GDF11: variants seen among roughly 807,000 people sequenced by gnomAD.
GDF11 encodes the protein growth/differentiation factor 11.
GDF11 carries 12 observed loss-of-function variants against 34.4 expected under a neutral mutation model. That is an observed-to-expected ratio of 0.35 (90% CI 0.22 to 0.57). GDF11 has a LOEUF of 0.57. GDF11 is among the 20% of genes least tolerant of loss of function. The pLI, the probability that GDF11 is intolerant of heterozygous loss-of-function variation, is 0.86. For synonymous variants in GDF11, 212 were observed against 231.1 expected, an observed-to-expected ratio of 0.92 and a Z score of 0.75; for missense variants, 346 against 548.2, an observed-to-expected ratio of 0.63 and a Z score of 3.68.
In GDF11 at chr12:55,757,199, C is replaced by T; in HGVS notation, c.*7317C>T. The T allele has an allele frequency of 9.4e-6, 2 of 213,750 alleles. No individual in the cohort carries two copies. The highest frequency in any genetic ancestry group is 1.9e-5 in the Non-Finnish European group (2 of 107,392). The allele number at this position is 213,750 out of a possible 1,614,324, so 13.2% of individuals were successfully genotyped here. On this transcript the variant is annotated 3_prime_UTR_variant, in exon 3 of 3. Transcript: ENST00000257868. Reference sequence around the variant, plus strand: ...TATGGCCAATTCTCTATAATATTTGCCCCTGAAGCTCCCCTTATCTGGTCT... The same window carrying T: ...TATGGCCAATTCTCTATAATATTTGTCCCTGAAGCTCCCCTTATCTGGTCT...
Position 55,752,800 on chromosome 12 carries a change from G to C in GDF11, c.*2918G>C, listed in dbSNP as rs763502754. Reference sequence around the variant, plus strand: ...GGCAAAGACGGCCATAGGGTGCTCTGAGTTTTGGGATGGTCACATGACACA... The same window carrying C: ...GGCAAAGACGGCCATAGGGTGCTCTCAGTTTTGGGATGGTCACATGACACA... On this transcript the variant is annotated 3_prime_UTR_variant, in exon 3 of 3. Coordinates refer to ENST00000257868, the MANE Select transcript of GDF11 (RefSeq NM_005811.5). 1.3e-5 allele frequency: 2 copies of C among 152,020 alleles called. No homozygotes were observed. The highest frequency in any genetic ancestry group is 6.6e-5 in the Admixed American group (1 of 15,264). The allele number at this position is 152,020 out of a possible 1,614,324, so 9.4% of individuals were successfully genotyped here.
intron 1 of GDF11, among the ~76,000 whole-genome samples, chr12:55,744,734 T>C (rs1878144385): frequency 6.9e-6 from 1 of 145,052 alleles, no homozygotes; most frequent in African/African-American, 2.6e-5. Context: ...GAACCAGGCC[T>C]CTCTTATTCC....
At position 55,749,429 on chromosome 12, in the gene GDF11, G is replaced by A; in HGVS notation, c.844-73G>A. 6.8e-7 allele frequency: 1 copy of A among 1,463,390 alleles called. No homozygotes were observed. Among genetic ancestry groups the A allele is most frequent in the Non-Finnish European group, 9.2e-7 (1 of 1,084,964 alleles). 90.7% of individuals were successfully genotyped at this position (1,463,390 alleles called of 1,614,324 possible). A position where few individuals can be genotyped will look rare whatever the true frequency, so the allele number is the denominator to read the frequency against. On this transcript the variant is annotated intron_variant, in intron 2 of 2. Coordinates refer to ENST00000257868, the MANE Select transcript of GDF11 (RefSeq NM_005811.5). This position sits in a 1 kb window ranked among gnomAD's most constrained non-coding sequence, Gnocchi z 5.6. ...AGTCTCTATTCTGATGCCCCTGGCA[G>A]GTGGGAAAGGAACAGGGAAGAGGAA...
rs1184563230 is a variant in GDF11, at chr12:55,755,443, T to TC, written c.*5562dup. The TC allele has an allele frequency of 6.6e-6, 1 of 152,170 alleles. No homozygotes were observed. The highest frequency in any genetic ancestry group is 2.4e-5 in the African/African-American group (1 of 41,432). 9.4% of individuals were successfully genotyped at this position (152,170 alleles called of 1,614,324 possible). ...CTCCCCACAGCTTTTATAGACTCCCTCATTAAGAGCTTCCAGGTATGCAGA... is the reference window on the plus strand; with the variant it reads ...CTCCCCACAGCTTTTATAGACTCCCTCCATTAAGAGCTTCCAGGTATGCAGA... On this transcript the variant is annotated 3_prime_UTR_variant, in exon 3 of 3. Transcript: ENST00000257868.
rs1415731418 is a variant in GDF11, at chr12:55,743,529, C to A, written c.213C>A (p.Ser71Arg). 6.3e-7 allele frequency: 1 copy of A among 1,599,480 alleles called. No homozygotes were observed. The highest frequency in any genetic ancestry group is 1.7e-5 in the Admixed American group (1 of 59,766). Residue 71 changes from serine (S) to arginine (R), a missense_variant, in exon 1 of 3, where the codon AGC becomes AGA. Ser to Arg is a moderately radical substitution (Grantham distance 110, BLOSUM62 -1). Around this residue, in one of 3 missense-constraint regions of GDF11, gnomAD observed 141 missense variants for 213.8 expected, o/e 0.66. Coordinates refer to ENST00000257868, the MANE Select transcript of GDF11 (RefSeq NM_005811.5). ...CCGTGTGCGTTTGGCGGCAGCACAGCCGCGAGCTGCGCCTAGAGAGCATCA... is the reference window on the plus strand; with the variant it reads ...CCGTGTGCGTTTGGCGGCAGCACAGACGCGAGCTGCGCCTAGAGAGCATCA... ...GCPVCVWRQH[S>R]RELRLESIKS...
rs1017498932 is a variant in GDF11 at position 55,753,047 on chromosome 12, G to C, written c.*3165G>C. ...GGTGGTATAAGGTTTGGGACATGCA[G>C]GCCAAGGAAGGATGGAAAGAGGACA... On this transcript the variant is annotated 3_prime_UTR_variant, in exon 3 of 3. Coordinates refer to ENST00000257868, the MANE Select transcript of GDF11 (RefSeq NM_005811.5). 6.6e-6 allele frequency: 1 copy of C among 152,188 alleles called. No individual in the cohort carries two copies. Among genetic ancestry groups the C allele is most frequent in the South Asian group, 2.1e-4 (1 of 4,826 alleles). The allele number at this position is 152,188 out of a possible 1,614,324, so 9.4% of individuals were successfully genotyped here.
chr12:55,755,596 C>G lies in GDF11; in HGVS notation c.*5714C>G, dbSNP rs1222058605. ...GGTAAACAATTACAAGCCTCAATGT[C>G]TGTTCCATCTCCAAACGGAATTACT... On this transcript the variant is annotated 3_prime_UTR_variant, in exon 3 of 3. Transcript: ENST00000257868. 6.6e-6 allele frequency: 1 copy of G among 152,148 alleles called. No homozygotes were observed. The highest frequency in any genetic ancestry group is 1.9e-4 in the East Asian group (1 of 5,198). The allele number at this position is 152,148 out of a possible 1,614,324, so 9.4% of individuals were successfully genotyped here. A position where few individuals can be genotyped will look rare whatever the true frequency, so the allele number is the denominator to read the frequency against.
At position 55,743,659 on chromosome 12, in the gene GDF11, G is replaced by A; in HGVS notation, c.343G>A (p.Asp115Asn). 6.2e-7 allele frequency: 1 copy of A among 1,604,188 alleles called. No homozygotes were observed. ...GGCGCCGCCGCTGCAGCAGATCCTG[G>A]ACCTACACGACTTCCAGGGCGACGC... Reference protein sequence around the residue: ...PKAPPLQQILDLHDFQGDALQ... With the variant: ...PKAPPLQQILNLHDFQGDALQ... The change falls in exon 1 of 3, where the codon GAC (aspartate) becomes AAC (asparagine). Residue 115 changes from aspartate (D) to asparagine (N), a missense_variant. Asp to Asn is a conservative substitution (Grantham distance 23, BLOSUM62 1). Coordinates refer to ENST00000257868, the MANE Select transcript of GDF11 (RefSeq NM_005811.5).
At chr12:55,743,833 C>T (rs1878120049) in intron 1 of GDF11, 72 bp downstream of exon 1, 1 of 1,255,642 alleles carries the variant, frequency 8.0e-7, no homozygotes, top group South Asian at 1.5e-5. Flanking sequence ...CTGCTCCAAG[C>T]GGGGCGCTCC....
chr12:55,754,836 GAGCT>G lies in GDF11; in HGVS notation c.*4957_*4960del, dbSNP rs1205669270. The G allele has an allele frequency of 6.6e-6, 1 of 152,210 alleles. No homozygotes were observed. Among genetic ancestry groups the G allele is most frequent in the Non-Finnish European group, 1.5e-5 (1 of 68,048 alleles). The allele number at this position is 152,210 out of a possible 1,614,324, so 9.4% of individuals were successfully genotyped here. On this transcript the variant is annotated 3_prime_UTR_variant, in exon 3 of 3. Transcript: ENST00000257868. ...GAATGATTATCTGCGCAGGGTCTCAGAGCTAGTGTGGTAGAATAAGAAATTAAAC... is the reference window on the plus strand; with the variant it reads ...GAATGATTATCTGCGCAGGGTCTCAGAGTGTGGTAGAATAAGAAATTAAAC...
chr12:55,752,481 AC>A lies in GDF11; in HGVS notation c.*2600del, dbSNP rs1425459812. 1.3e-5 allele frequency: 2 copies of A among 151,920 alleles called. 1 individual carries two copies. The highest frequency in any genetic ancestry group is 1.3e-4 in the Admixed American group (2 of 15,248). 9.4% of individuals were successfully genotyped at this position (151,920 alleles called of 1,614,324 possible). A position where few individuals can be genotyped will look rare whatever the true frequency, so the allele number is the denominator to read the frequency against. Reference sequence around the variant, plus strand: ...CCCCAAAGAGGCACAGAGTGAAGGGACTTGGGGGGCACAGCTCAGCAACCCA... The same window carrying A: ...CCCCAAAGAGGCACAGAGTGAAGGGATTGGGGGGCACAGCTCAGCAACCCA... On this transcript the variant is annotated 3_prime_UTR_variant, in exon 3 of 3. Transcript: ENST00000257868.
intron 1 of GDF11, 109 bp downstream of exon 1, chr12:55,743,870 C>T: frequency 1.1e-6 from 1 of 886,642 alleles, no homozygotes; most frequent in Non-Finnish European, 1.6e-6. Flanking sequence ...GAAGCTTTTT[C>T]TGCGAAAACT....
At position 55,749,070 on chromosome 12, in the gene GDF11, A is replaced by G; in HGVS notation, c.843+87A>G. The G allele has an allele frequency of 7.4e-7, 1 of 1,351,990 alleles. No individual in the cohort carries two copies. Among genetic ancestry groups the G allele is most frequent in the Non-Finnish European group, 9.9e-7 (1 of 1,011,310 alleles). 83.7% of individuals were successfully genotyped at this position (1,351,990 alleles called of 1,614,324 possible). On this transcript the variant is annotated intron_variant, in intron 2 of 2. Transcript: ENST00000257868. This position sits in a 1 kb window ranked among gnomAD's most constrained non-coding sequence, Gnocchi z 5.6. ...TTGGAAAAGGTAGACAAGGAATGTG[A>G]AGGAGGTTGGGGACCAGCATTACTT...
rs760024242 is a variant in GDF11, at chr12:55,749,101, G to A, written c.843+118G>A. ...GTTGGGGACCAGCATTACTTCTCTGGGGTCAGCAGCTGATTCTAGAGGAGG... is the reference window on the plus strand; with the variant it reads ...GTTGGGGACCAGCATTACTTCTCTGAGGTCAGCAGCTGATTCTAGAGGAGG... On this transcript the variant is annotated intron_variant, in intron 2 of 2. Coordinates refer to ENST00000257868, the MANE Select transcript of GDF11 (RefSeq NM_005811.5). The surrounding 1 kb of genome is among the most constrained non-coding windows in gnomAD (Gnocchi z 5.6). The A allele has an allele frequency of 2.4e-4, 252 of 1,051,472 alleles. No homozygotes were observed. Among genetic ancestry groups the A allele is most frequent in the Non-Finnish European group, 3.2e-4 (240 of 746,572 alleles). The allele number at this position is 1,051,472 out of a possible 1,614,324, so 65.1% of individuals were successfully genotyped here.
Position 55,750,057 on chromosome 12 carries a change from T to G in GDF11, c.*175T>G. On this transcript the variant is annotated 3_prime_UTR_variant, in exon 3 of 3. Coordinates refer to ENST00000257868, the MANE Select transcript of GDF11 (RefSeq NM_005811.5). ...GCAGGTGGGAATTGAGGGTGAGGGG[T>G]TTGGGGGAAAGGGGAAGCAGGGGCA... is the stretch of plus-strand genomic sequence containing the variant. 1.6e-6 allele frequency: 1 copy of G among 622,926 alleles called. No individual in the cohort carries two copies. Among genetic ancestry groups the G allele is most frequent in the Non-Finnish European group, 2.8e-6 (1 of 363,348 alleles). The allele number at this position is 622,926 out of a possible 1,614,324, so 38.6% of individuals were successfully genotyped here. A position where few individuals can be genotyped will look rare whatever the true frequency, so the allele number is the denominator to read the frequency against.
At chr12:55,744,634 A>C (rs115738105) in intron 1 of GDF11, among the ~76,000 whole-genome samples, 4,204 of 152,018 alleles carry the variant, frequency 0.028, 131 homozygotes, top group African/African-American at 0.077. Context: ...ATCCAGGCGA[A>C]TACTACACCC....
In GDF11 at chr12:55,755,964, C is replaced by T. The variant is rs1878494785; in HGVS notation, c.*6082C>T. On this transcript the variant is annotated 3_prime_UTR_variant, in exon 3 of 3. Coordinates refer to ENST00000257868, the MANE Select transcript of GDF11 (RefSeq NM_005811.5). Reference sequence around the variant, plus strand: ...ACGAAGAAAACTTCCAAAAGATCCACTGTTCCACTTCATAATCAGCATCTG... The same window carrying T: ...ACGAAGAAAACTTCCAAAAGATCCATTGTTCCACTTCATAATCAGCATCTG... 6.6e-6 allele frequency: 1 copy of T among 152,106 alleles called. No individual in the cohort carries two copies. The highest frequency in any genetic ancestry group is 2.1e-4 in the South Asian group (1 of 4,826). The allele number at this position is 152,106 out of a possible 1,614,324, so 9.4% of individuals were successfully genotyped here.
intron 1 of GDF11, among the ~76,000 whole-genome samples, chr12:55,746,609 G>C (rs1196082917): frequency 1.3e-5 from 2 of 152,228 alleles, no homozygotes; most frequent in Admixed American, 6.5e-5. Flanking sequence ...CTTAGATGTA[G>C]CCCTCATCTT....
Position 55,749,016 on chromosome 12 carries a change from T to C in GDF11, c.843+33T>C. ...GGGGGCCTGAGGTGGTGGATATGTG[T>C]AACCTGGCCCTGAGGAGATAGGGTT... On this transcript the variant is annotated intron_variant, in intron 2 of 2. Coordinates refer to ENST00000257868, the MANE Select transcript of GDF11 (RefSeq NM_005811.5). The surrounding 1 kb of genome is among the most constrained non-coding windows in gnomAD (Gnocchi z 5.6). The C allele has an allele frequency of 6.4e-7, 1 of 1,566,068 alleles. No homozygotes were observed. The highest frequency in any genetic ancestry group is 1.2e-5 in the South Asian group (1 of 85,754).
Sources: allele counts gnomAD v4.1 joint callset (sites outside exome capture counted in the v4.1 genomes callset), GRCh38; gene constraint gnomAD v4.1.1; regional missense constraint gnomAD v4.1.1; non-coding constraint Gnocchi (gnomAD v3.1); transcripts MANE v1.5; gene names NCBI Gene and HGNC (gene_info 2026-07-23, HGNC 2026-07-21).